RPGRIP1: variants seen among roughly 807,000 people sequenced by gnomAD.
The protein encoded by RPGRIP1 is RPGR interacting protein 1.
Under a neutral mutation model 157.9 loss-of-function variants are expected in RPGRIP1, and 128 were observed. The observed-to-expected ratio is 0.81, with a 90% CI of 0.70 to 0.94. RPGRIP1 has a LOEUF of 0.94. RPGRIP1 is among the 40% of genes least tolerant of loss of function. The probability of loss-of-function intolerance (pLI) is 0.00; values close to 1 mark genes in which losing one functional copy is unlikely to be tolerated. For synonymous variants in RPGRIP1, 554 were observed against 571.6 expected, an observed-to-expected ratio of 0.97 and a Z score of 0.44; for missense variants, 1,486 against 1,545.8, an observed-to-expected ratio of 0.96 and a Z score of 0.65.
rs558091078 is a variant in RPGRIP1, at chr14:21,329,234, G to C, written c.3099+607G>C. ...GTCGGGAGGCTGAGGTAGGAGAATCGCTTGAACCCAGGAGGCGGAGGTTGC... is the reference window on the plus strand; with the variant it reads ...GTCGGGAGGCTGAGGTAGGAGAATCCCTTGAACCCAGGAGGCGGAGGTTGC... On this transcript the variant is annotated intron_variant, in intron 19 of 24. Transcript: ENST00000400017. 1.1e-3 allele frequency among the ~76,000 whole-genome samples: 167 copies of C among 151,522 alleles called. 1 individual carries two copies. The highest frequency in any genetic ancestry group is 3.8e-3 in the African/African-American group (157 of 41,328).
intron 16 of RPGRIP1, 51 bp from the exon 17 acceptor site, chr14:21,325,780 C>A: frequency 7.3e-7 from 1 of 1,370,046 alleles, no homozygotes; most frequent in Non-Finnish European, 1.0e-6. Context: ...GCTTCACCTA[C>A]AACAGTCTCA....
intron 1 of RPGRIP1, among the ~76,000 whole-genome samples, chr14:21,281,606 T>G (rs1255126984): frequency 1.3e-5 from 2 of 151,238 alleles, no homozygotes; most frequent in African/African-American, 2.4e-5. Flanking sequence ...TGAGAATTGC[T>G]TGAACCCTGG....
At chr14:21,295,421 G>C (rs2139146220) in intron 3 of RPGRIP1, among the ~76,000 whole-genome samples, 1 of 151,832 alleles carries the variant, frequency 6.6e-6, no homozygotes, top group African/African-American at 2.4e-5. Flanking sequence ...ATCCCTGCAG[G>C]CATGTTGTAA....
chr14:21,316,428 A>C (rs1373815865), intron 10 of RPGRIP1, among the ~76,000 whole-genome samples: 1 of 151,372 alleles, frequency 6.6e-6, no homozygotes, highest in Non-Finnish European at 1.5e-5. Context: ...TTATTTATTT[A>C]TTTCTTGAGA....
intron 2 of RPGRIP1, 41 bp from the exon 3 acceptor site, chr14:21,294,636 G>A (rs200285649): frequency 4.6e-4 from 728 of 1,599,956 alleles, no homozygotes; most frequent in Non-Finnish European, 5.7e-4. Flanking sequence ...CAAAAAATAG[G>A]TGTAAAAATA....
chr14:21,340,205 A>G (rs1884848428), intron 21 of RPGRIP1, among the ~76,000 whole-genome samples: 1 of 152,204 alleles, frequency 6.6e-6, no homozygotes, highest in South Asian at 2.1e-4. Context: ...TCTTGCACAC[A>G]TGTATATTAT....
rs539451700 is a variant in RPGRIP1 at position 21,349,152 on chromosome 14, C to G, written c.3748+850C>G. On this transcript the variant is annotated intron_variant, in intron 24 of 24. Coordinates refer to ENST00000400017, the MANE Select transcript of RPGRIP1 (RefSeq NM_020366.4). ...GTGGTGTGATCTCGGCTCACTGCAA[C>G]CTCCACCTCCCAGGTTAAAGCGATT... 7.7e-5 allele frequency among the ~76,000 whole-genome samples: 11 copies of G among 142,940 alleles called. No individual in the cohort carries two copies. In the East Asian group the frequency reaches 2.3e-3, roughly 30 times the overall value. The allele number at this position is 142,940 out of a possible 152,430, so 93.8% of individuals were successfully genotyped here. A position where few individuals can be genotyped will look rare whatever the true frequency, so the allele number is the denominator to read the frequency against.
intron 20 of RPGRIP1, 63 bp from the exon 21 acceptor site, chr14:21,334,541 TG>T: frequency 3.7e-6 from 4 of 1,093,572 alleles, no homozygotes; most frequent in Non-Finnish European, 5.5e-6. Context: ...ATGTGTGTGC[TG>T]GGTCTTTTCT....
chr14:21,305,492 A>G (rs1881261223), intron 6 of RPGRIP1, among the ~76,000 whole-genome samples: 1 of 152,360 alleles, frequency 6.6e-6, no homozygotes, highest in South Asian at 2.1e-4. Context: ...TTTGGCAATT[A>G]TGAATAAAGC....
In RPGRIP1 at chr14:21,324,921, T is replaced by C; in HGVS notation, c.2066T>C (p.Leu689Pro). Residue 689 changes from leucine (L) to proline (P), a missense_variant, in exon 15 of 25, where the codon CTT becomes CCT. Coordinates refer to ENST00000400017, the MANE Select transcript of RPGRIP1 (RefSeq NM_020366.4). ...CAGTATGTGATGGAGACAGATTCGC[T>C]TTTCTTACACTACCTTCAAGAGGCT... ...TSQYVMETDS[L>P]FLHYLQEASA... 1 of 1,614,038 alleles carries C rather than the reference T, an allele frequency of 6.2e-7. No homozygotes were observed. The highest frequency in any genetic ancestry group is 8.5e-7 in the Non-Finnish European group (1 of 1,179,900).
intron 21 of RPGRIP1, among the ~76,000 whole-genome samples, chr14:21,340,313 T>C (rs1884860504): frequency 6.6e-6 from 1 of 152,228 alleles, no homozygotes; most frequent in Non-Finnish European, 1.5e-5. Context: ...GTATACTGTG[T>C]GCCAGACATT....
intron 8 of RPGRIP1, 47 bp downstream of exon 8, chr14:21,310,654 C>T: frequency 8.6e-7 from 1 of 1,164,932 alleles, no homozygotes. Flanking sequence ...CCAGAATAAT[C>T]AAACCCAAAG....
At chr14:21,323,756 CTTG>C (rs1052497781) in intron 14 of RPGRIP1, among the ~76,000 whole-genome samples, 12 of 151,696 alleles carry the variant, frequency 7.9e-5, no homozygotes, top group African/African-American at 2.9e-4. Flanking sequence ...TTATATTAAT[CTTG>C]TTAATTAAGA....
At chr14:21,336,196 G>GA (rs1884345365) in intron 21 of RPGRIP1, among the ~76,000 whole-genome samples, 1 of 152,048 alleles carries the variant, frequency 6.6e-6, no homozygotes, top group East Asian at 1.9e-4. Flanking sequence ...GGAGTGAGGA[G>GA]AAAAAACTCA....
At chr14:21,305,269 G>T (rs1004551267) in intron 6 of RPGRIP1, among the ~76,000 whole-genome samples, 51 of 152,078 alleles carry the variant, frequency 3.4e-4, no homozygotes, top group African/African-American at 1.1e-3. Context: ...CTCCAGTTTT[G>T]CCTCTTCTAG....
At chr14:21,349,846 A>G (rs1256112488) in intron 24 of RPGRIP1, among the ~76,000 whole-genome samples, 2 of 152,284 alleles carry the variant, frequency 1.3e-5, no homozygotes, top group East Asian at 3.9e-4. Context: ...TTTTAAAAAC[A>G]TTTGTATTTG....
chr14:21,324,386 A>C, intron 14 of RPGRIP1: 1 of 576,100 alleles, frequency 1.7e-6, no homozygotes, highest in Non-Finnish European at 3.1e-6. Context: ...TCTACTTTCC[A>C]GTCACTCCTT....
chr14:21,317,940 C>T, intron 11 of RPGRIP1, 90 bp downstream of exon 11: 1 of 1,085,302 alleles, frequency 9.2e-7, no homozygotes. Flanking sequence ...TTCTTTAATC[C>T]CCTCACTTGA....
At chr14:21,322,810 T>C (rs1023035603) in intron 14 of RPGRIP1, among the ~76,000 whole-genome samples, 1 of 152,230 alleles carries the variant, frequency 6.6e-6, no homozygotes, top group African/African-American at 2.4e-5. Context: ...ATGCTGACAG[T>C]GACAGGGCAG....
Sources: gnomAD v4.1 joint callset for allele counts (sites outside exome capture counted in the v4.1 genomes callset) on GRCh38, gnomAD v4.1.1 for gene constraint, MANE v1.5 for transcripts, NCBI Gene and HGNC (gene_info 2026-07-23, HGNC 2026-07-21) for gene names.